TNKS: variants seen among roughly 807,000 people sequenced by gnomAD.
The protein encoded by TNKS is tankyrase.
TNKS carries 72 observed loss-of-function variants against 135.8 expected under a neutral mutation model. That is an observed-to-expected ratio of 0.53 (90% CI 0.44 to 0.64). The LOEUF (loss-of-function observed/expected upper bound fraction) is 0.64, where lower values mean the gene tolerates loss of function less well. Among genes scored for constraint, TNKS ranks in the 30% least tolerant of loss-of-function variants. The pLI, the probability that TNKS is intolerant of heterozygous loss-of-function variation, is 0.00. For missense variants in TNKS, 1,769 were observed against 1,674.0 expected, an observed-to-expected ratio of 1.06 and a Z score of -0.99; for synonymous variants, 849 against 649.3, an observed-to-expected ratio of 1.31 and a Z score of -4.68.
intron 3 of TNKS, among the ~76,000 whole-genome samples, chr8:9,655,734 C>T (rs1250540714): frequency 2.0e-5 from 3 of 152,082 alleles, no homozygotes; most frequent in South Asian, 2.1e-4. Context: ...ACACCAAAAA[C>T]CCATCTGTAC....
chr8:9,600,994 C>T (rs569776112), intron 2 of TNKS, among the ~76,000 whole-genome samples: 6 of 152,256 alleles, frequency 3.9e-5, no homozygotes, highest in South Asian at 2.1e-4. Context: ...TTTCTTTATT[C>T]GTTACAAAGT....
chr8:9,733,586 G>A (rs566793137), intron 15 of TNKS, 142 bp downstream of exon 15: 599 of 688,538 alleles, frequency 8.7e-4, no homozygotes, highest in Middle Eastern at 1.7e-3. Flanking sequence ...CCAGAAGACC[G>A]TTTATGTGAT....
chr8:9,615,116 A>G (rs1368141545), intron 2 of TNKS, among the ~76,000 whole-genome samples: 1 of 152,098 alleles, frequency 6.6e-6, no homozygotes, highest in Non-Finnish European at 1.5e-5. Context: ...TTCATGTGCA[A>G]GTGGTGAGCC....
At chr8:9,707,305 C>T (rs62491550) in intron 8 of TNKS, among the ~76,000 whole-genome samples, 4 of 152,164 alleles carry the variant, frequency 2.6e-5, no homozygotes, top group Non-Finnish European at 4.4e-5. Flanking sequence ...GTGGCAGGCA[C>T]TAGAAATATA....
At chr8:9,766,898 G>A (rs1807482661) in intron 25 of TNKS, among the ~76,000 whole-genome samples, 1 of 152,192 alleles carries the variant, frequency 6.6e-6, no homozygotes, top group Non-Finnish European at 1.5e-5. Flanking sequence ...TCTTCTGACA[G>A]GAGCAATAAC....
At chr8:9,708,537 C>T (rs774983151) in intron 9 of TNKS, 45 bp downstream of exon 9, 13 of 1,422,284 alleles carry the variant, frequency 9.1e-6, no homozygotes, top group East Asian at 2.6e-5. Flanking sequence ...ATAATAATAA[C>T]GTAAGCACAA....
intron 11 of TNKS, among the ~76,000 whole-genome samples, chr8:9,710,691 T>G (rs1804282119): frequency 6.6e-6 from 1 of 152,162 alleles, no homozygotes; most frequent in African/African-American, 2.4e-5. Context: ...GGTCAGGAGA[T>G]GGAGACCATC....
At chr8:9,775,632 CA>C (rs1336042620) in intron 26 of TNKS, among the ~76,000 whole-genome samples, 1 of 151,006 alleles carries the variant, frequency 6.6e-6, no homozygotes, top group Non-Finnish European at 1.5e-5. Context: ...CTTACTATGC[CA>C]GACCTATTCT....
chr8:9,593,341 C>G (rs891708750), intron 2 of TNKS, among the ~76,000 whole-genome samples: 1 of 152,124 alleles, frequency 6.6e-6, no homozygotes, highest in African/African-American at 2.4e-5. Context: ...GTCTGTAGAG[C>G]TGATAGAAAG....
chr8:9,679,672 G>C (rs1016257729), intron 3 of TNKS: 3 of 374,320 alleles, frequency 8.0e-6, no homozygotes, highest in Non-Finnish European at 1.5e-5. Context: ...TTATCAGAGG[G>C]AATGTGTTTC....
chr8:9,682,711 T>C (rs1392396596), intron 5 of TNKS, among the ~76,000 whole-genome samples: 1 of 152,066 alleles, frequency 6.6e-6, no homozygotes, highest in African/African-American at 2.4e-5. Flanking sequence ...TAAACATAAT[T>C]TTATCCTCTG....
intron 8 of TNKS, among the ~76,000 whole-genome samples, chr8:9,708,007 G>A (rs369655122): frequency 6.2e-4 from 95 of 152,148 alleles, no homozygotes; most frequent in Non-Finnish European, 1.1e-3. Context: ...GTCAGTGTAT[G>A]TAGACCTATC....
intron 2 of TNKS, among the ~76,000 whole-genome samples, chr8:9,581,162 G>T (rs1052614001): frequency 3.3e-5 from 5 of 152,072 alleles, no homozygotes; most frequent in Non-Finnish European, 7.4e-5. Context: ...TTTTAATGAT[G>T]CAACTAAAAT....
At chr8:9,611,434 C>G (rs1799459619) in intron 2 of TNKS, among the ~76,000 whole-genome samples, 1 of 152,178 alleles carries the variant, frequency 6.6e-6, no homozygotes, top group Non-Finnish European at 1.5e-5. Flanking sequence ...TAATATGACA[C>G]TGTATCATCA....
At chr8:9,726,407 G>T (rs559144073) in intron 12 of TNKS, among the ~76,000 whole-genome samples, 1 of 152,058 alleles carries the variant, frequency 6.6e-6, no homozygotes, top group Non-Finnish European at 1.5e-5. Context: ...ACATACATAT[G>T]TACATACATA....
intron 11 of TNKS, 23 bp downstream of exon 11, chr8:9,710,243 G>C (rs770023468): frequency 1.2e-5 from 20 of 1,612,864 alleles, no homozygotes; most frequent in Non-Finnish European, 1.7e-5. Flanking sequence ...CCTGAGCAGA[G>C]TGCCAGACTC....
intron 1 of TNKS, among the ~76,000 whole-genome samples, chr8:9,579,051 C>G (rs950531829): frequency 3.9e-5 from 6 of 152,122 alleles, no homozygotes; most frequent in African/African-American, 1.4e-4. Flanking sequence ...TGATGTTGTG[C>G]TTTCTTAGTA....
chr8:9,657,671 C>A (rs1801463681), intron 3 of TNKS, among the ~76,000 whole-genome samples: 1 of 84,704 alleles, frequency 1.2e-5, no homozygotes, highest in African/African-American at 4.7e-5. Flanking sequence ...CCATCTCCCT[C>A]CCGGACGGGG....
intron 1 of TNKS, among the ~76,000 whole-genome samples, chr8:9,576,055 T>G (rs1344737242): frequency 6.6e-6 from 1 of 152,166 alleles, no homozygotes; most frequent in African/African-American, 2.4e-5. Flanking sequence ...GAAACATATT[T>G]CCAGAAGCTT....
Sources: allele counts gnomAD v4.1 joint callset (sites outside exome capture counted in the v4.1 genomes callset), GRCh38; gene constraint gnomAD v4.1.1; transcripts MANE v1.5; gene names NCBI Gene and HGNC (gene_info 2026-07-23, HGNC 2026-07-21).